The following SOS1 variants were observed in gnomAD, a reference collection of about 807,000 sequenced individuals.
SOS1 encodes SOS Ras/Rac guanine nucleotide exchange factor 1.
SOS1 carries 25 observed loss-of-function variants against 157.6 expected under a neutral mutation model. The observed-to-expected ratio is 0.16, with a 90% CI of 0.12 to 0.22. The LOEUF is 0.22. SOS1 is among the 10% of genes least tolerant of loss of function. The pLI is 1.00. For synonymous variants in SOS1, 528 were observed against 534.0 expected (o/e 0.99, Z 0.16); for missense variants, 1,237 against 1,599.1 (o/e 0.77, Z 3.86).
chr2:38,987,612 A>C (rs1235920216), intron 21 of SOS1, 21 bp from the exon 22 acceptor site: 1 of 1,165,264 alleles, frequency 8.6e-7, no homozygotes, highest in Non-Finnish European at 1.3e-6. Context: ...TTAAATTTTT[A>C]AGAAAAAGTC....
At chr2:39,116,516 A>G (rs1202222697) in intron 1 of SOS1, among the ~76,000 whole-genome samples, 1 of 152,090 alleles carries the variant, frequency 6.6e-6, no homozygotes, top group Non-Finnish European at 1.5e-5. Flanking sequence ...TCTCCAAACC[A>G]TTTTCCATTC....
At chr2:39,116,935 T>C (rs569842726) in intron 1 of SOS1, among the ~76,000 whole-genome samples, 5 of 152,218 alleles carry the variant, frequency 3.3e-5, no homozygotes, top group South Asian at 4.1e-4. Context: ...GCTTAACATA[T>C]ATAAAAACTG....
chr2:39,014,611 T>A (rs541460722), intron 11 of SOS1, among the ~76,000 whole-genome samples, 154 bp downstream of exon 11: 1 of 152,202 alleles, frequency 6.6e-6, no homozygotes, highest in African/African-American at 2.4e-5. Flanking sequence ...CTAACATTAT[T>A]ATAAAATAAA....
chr2:39,059,412 G>A (rs910126021), intron 2 of SOS1, among the ~76,000 whole-genome samples: 4 of 151,984 alleles, frequency 2.6e-5, no homozygotes, highest in African/African-American at 7.2e-5. Flanking sequence ...AATTTCCACT[G>A]AGAGTGAAAG....
rs1343705383 is a variant in SOS1, at chr2:38,995,483, G to A, written c.3082-96C>T. Reference sequence around the variant, plus strand: ...CTGGTAAAATTCAGCTAATATACAGGAAAATCATAAATCACTAATAAGGAC... The same window carrying A: ...CTGGTAAAATTCAGCTAATATACAGAAAAATCATAAATCACTAATAAGGAC... On this transcript the variant is annotated intron_variant, in intron 19 of 22. Transcript: ENST00000402219. The A allele has an allele frequency of 5.5e-6, 5 of 914,650 alleles. No individual in the cohort carries two copies. In the African/African-American group the frequency reaches 8.2e-5, roughly 15 times the overall value. 56.7% of individuals were successfully genotyped at this position (914,650 alleles called of 1,614,324 possible). A position where few individuals can be genotyped will look rare whatever the true frequency, so the allele number is the denominator to read the frequency against.
chr2:39,102,266 T>C (rs1198661415), intron 1 of SOS1, among the ~76,000 whole-genome samples: 1 of 134,660 alleles, frequency 7.4e-6, no homozygotes, highest in Non-Finnish European at 1.6e-5. Context: ...CTCATACCTG[T>C]AAACCCAGCA....
Position 39,036,904 on chromosome 2 carries a change from CAA to C in SOS1, c.865-1406_865-1405del, listed in dbSNP as rs200716681. 7.2e-3 allele frequency among the ~76,000 whole-genome samples: 1,102 copies of C among 152,132 alleles called. 10 individuals carry two copies. Among genetic ancestry groups the C allele is most frequent in the African/African-American group, 0.025 (1,055 of 41,478 alleles). The stretch of plus-strand genomic sequence containing the variant: ...CAGGCTGGTCTTGATCTGCTGGACT[CAA>C]GTGATCCTCCTGCCTCAGCCTCCCA... On this transcript the variant is annotated intron_variant, in intron 6 of 22. Coordinates refer to ENST00000402219, the MANE Select transcript of SOS1 (RefSeq NM_005633.4).
At position 39,052,177 on chromosome 2, in the gene SOS1, T is replaced by C. The variant is rs536847636; in HGVS notation, c.721-890A>G. 3.9e-5 allele frequency among the ~76,000 whole-genome samples: 6 copies of C among 152,348 alleles called. No homozygotes were observed. The East Asian group carries it at 9.6e-4, about 24-fold the overall frequency. ...GAGTGACTATCCTTTTATGATACTA[T>C]ACTAAAATTCAACAAATGATAGTTT... On this transcript the variant is annotated intron_variant, in intron 5 of 22. Transcript: ENST00000402219.
intron 2 of SOS1, among the ~76,000 whole-genome samples, chr2:39,065,895 T>C (rs1266725694): frequency 6.6e-6 from 1 of 152,232 alleles, no homozygotes; most frequent in African/African-American, 2.4e-5. Flanking sequence ...GGGAAAAAAC[T>C]AATACCATCT....
chr2:39,077,145 C>T (rs1371269117), intron 1 of SOS1, among the ~76,000 whole-genome samples: 1 of 152,028 alleles, frequency 6.6e-6, no homozygotes, highest in Non-Finnish European at 1.5e-5. Context: ...GCGTTCGACA[C>T]CAGGCTGACA....
chr2:39,000,294 C>T (rs565126225), intron 17 of SOS1, among the ~76,000 whole-genome samples: 1 of 152,230 alleles, frequency 6.6e-6, no homozygotes, highest in South Asian at 2.1e-4. Flanking sequence ...TACACTGCAT[C>T]AGTAAAAAAT....
intron 1 of SOS1, among the ~76,000 whole-genome samples, chr2:39,076,724 C>T (rs1457969368): frequency 1.3e-5 from 2 of 152,060 alleles, no homozygotes; most frequent in Admixed American, 6.5e-5. Context: ...ACCTTTAAAA[C>T]CAGGGACAAG....
At chr2:38,997,087 C>G in intron 18 of SOS1, 49 bp from the exon 19 acceptor site, 1 of 1,120,358 alleles carries the variant, frequency 8.9e-7, no homozygotes, top group Non-Finnish European at 1.3e-6. Flanking sequence ...ATTATAAATT[C>G]AGTTTGAAAT....
chr2:39,047,984 C>T (rs1031558920), intron 6 of SOS1, among the ~76,000 whole-genome samples: 2 of 152,038 alleles, frequency 1.3e-5, no homozygotes, highest in African/African-American at 4.8e-5. Context: ...TCTTAATATA[C>T]CCCAGATATG....
intron 17 of SOS1, among the ~76,000 whole-genome samples, chr2:39,002,253 A>G (rs1669127192): frequency 6.6e-6 from 1 of 151,930 alleles, no homozygotes; most frequent in African/African-American, 2.4e-5. Flanking sequence ...TGAACCCGGG[A>G]GGCAGAGGTT....
At chr2:39,043,858 A>G (rs1572848429) in intron 6 of SOS1, among the ~76,000 whole-genome samples, 3 of 152,212 alleles carry the variant, frequency 2.0e-5, no homozygotes, top group Admixed American at 2.0e-4. Context: ...TAAACTTCCA[A>G]TACATAAAAT....
chr2:39,019,464 G>A (rs1308320904), intron 10 of SOS1, among the ~76,000 whole-genome samples: 2 of 151,616 alleles, frequency 1.3e-5, no homozygotes, highest in East Asian at 1.9e-4. Flanking sequence ...TCATACCATT[G>A]CCAGATTTAG....
Position 39,022,970 on chromosome 2 carries a change from T to C in SOS1, c.1458A>G (p.Ala486=), listed in dbSNP as rs772746896. The C allele has an allele frequency of 1.2e-6, 2 of 1,613,764 alleles. No homozygotes were observed. The highest frequency in any genetic ancestry group is 2.7e-5 in the African/African-American group (2 of 74,930). Residue 486 remains alanine (A), a synonymous_variant, in exon 10 of 23, where the codon GCA becomes GCG. Coordinates refer to ENST00000402219, the MANE Select transcript of SOS1 (RefSeq NM_005633.4). ...AAAACTTTTCTTTAAGACGATATTC[T>C]GCATTGCTAGCACCAGGAAGTCTTG... ...GQPRLPGASN[A]EYRLKEKFFM... is the part of the protein sequence containing the mutation.
chr2:39,115,277 T>A lies in SOS1; in HGVS notation c.87+5059A>T, dbSNP rs140720903. Among the ~76,000 whole-genome samples the A allele has an allele frequency of 1.1e-3, 160 of 152,302 alleles. 2 individuals carry two copies. Among genetic ancestry groups the A allele is most frequent in the African/African-American group, 3.5e-3 (145 of 41,572 alleles). On this transcript the variant is annotated intron_variant, in intron 1 of 22. Transcript: ENST00000402219. ...AAACAACCACTGATCTGCACTAGTT[T>A]GCACCTTCTAGAATGTTCTATAAGT...
Sources: allele counts gnomAD v4.1 joint callset (sites outside exome capture counted in the v4.1 genomes callset), GRCh38; gene constraint gnomAD v4.1.1; transcripts MANE v1.5; gene names NCBI Gene and HGNC (gene_info 2026-07-23, HGNC 2026-07-21).